Variants in GRID2 observed in about 807,000 individuals in gnomAD.
GRID2 encodes the protein glutamate receptor ionotropic, delta-2.
Under a neutral mutation model 114.8 loss-of-function variants are expected in GRID2, and 33 were observed. That is an observed-to-expected ratio of 0.29 (90% confidence interval 0.22 to 0.38). GRID2 has a LOEUF of 0.38. Ranked by LOEUF, GRID2 falls within the 10% of genes least tolerant of loss-of-function variation. The pLI, the probability that GRID2 is intolerant of heterozygous loss-of-function variation, is 1.00. For synonymous variants in GRID2, 505 were observed against 449.9 expected, an observed-to-expected ratio of 1.12 and a Z score of -1.55; for missense variants, 1,184 against 1,257.7, an observed-to-expected ratio of 0.94 and a Z score of 0.89.
At chr4:93,409,974 GAT>G (rs1458727910) in intron 9 of GRID2, among the ~76,000 whole-genome samples, 1 of 152,102 alleles carries the variant, frequency 6.6e-6, no homozygotes, top group East Asian at 1.9e-4. Flanking sequence ...CAAATTCAAA[GAT>G]ATAAAAAACA....
chr4:93,630,504 A>G (rs765398761), intron 14 of GRID2, among the ~76,000 whole-genome samples: 6 of 152,180 alleles, frequency 3.9e-5, no homozygotes, highest in Non-Finnish European at 7.3e-5. Context: ...TCTTAAGTGG[A>G]TATTGGGAAA....
chr4:93,524,504 G>C (rs528279655), intron 13 of GRID2, among the ~76,000 whole-genome samples: 1 of 151,740 alleles, frequency 6.6e-6, no homozygotes, highest in African/African-American at 2.4e-5. Flanking sequence ...AGTAGAGTTG[G>C]ATTTTTTTAA....
At chr4:93,209,127 A>T (rs1444928987) in intron 5 of GRID2, among the ~76,000 whole-genome samples, 1 of 151,922 alleles carries the variant, frequency 6.6e-6, no homozygotes, top group Non-Finnish European at 1.5e-5. Context: ...GTTCAGGGGT[A>T]CGTGAGCAAG....
chr4:92,376,237 G>T (rs1474970461), intron 1 of GRID2, among the ~76,000 whole-genome samples: 1 of 152,002 alleles, frequency 6.6e-6, no homozygotes, highest in Non-Finnish European at 1.5e-5. Context: ...ATGAACCCGG[G>T]AGGCAGAGGT....
chr4:92,892,621 T>A (rs1221686517), intron 2 of GRID2, among the ~76,000 whole-genome samples: 1 of 152,192 alleles, frequency 6.6e-6, no homozygotes, highest in Non-Finnish European at 1.5e-5. Context: ...ATATTAGCCA[T>A]CACATTGTTA....
At chr4:92,401,528 T>C (rs960451320) in intron 1 of GRID2, among the ~76,000 whole-genome samples, 4 of 152,072 alleles carry the variant, frequency 2.6e-5, no homozygotes, top group Non-Finnish European at 4.4e-5. Context: ...AAAAAGCAAA[T>C]ATAATAATAA....
intron 2 of GRID2, among the ~76,000 whole-genome samples, chr4:93,003,814 G>A (rs1721241778): frequency 6.6e-6 from 1 of 151,950 alleles, no homozygotes; most frequent in Non-Finnish European, 1.5e-5. Flanking sequence ...TGTACTTGGA[G>A]TTTCAACATC....
At chr4:92,736,105 C>T (rs1317563937) in intron 2 of GRID2, among the ~76,000 whole-genome samples, 1 of 151,938 alleles carries the variant, frequency 6.6e-6, no homozygotes, top group African/African-American at 2.4e-5. Context: ...AGAGATTGCC[C>T]CAGATTGTCT....
chr4:92,737,386 A>G (rs1326890957), intron 2 of GRID2, among the ~76,000 whole-genome samples: 1 of 152,040 alleles, frequency 6.6e-6, no homozygotes, highest in Non-Finnish European at 1.5e-5. Flanking sequence ...TGCCCATTTC[A>G]ATTTTTTTAA....
chr4:92,471,792 C>G (rs1443415330), intron 1 of GRID2, among the ~76,000 whole-genome samples: 2 of 152,004 alleles, frequency 1.3e-5, no homozygotes, highest in African/African-American at 4.8e-5. Flanking sequence ...CCCAGGAAAA[C>G]GTGGTTTTTT....
chr4:92,792,910 G>A (rs879626666), intron 2 of GRID2, among the ~76,000 whole-genome samples: 1 of 66,084 alleles, frequency 1.5e-5, no homozygotes, highest in Non-Finnish European at 3.2e-5. Context: ...TTTTTTTTTT[G>A]TCATTTTGCA....
At chr4:92,936,884 A>T (rs1381772577) in intron 2 of GRID2, among the ~76,000 whole-genome samples, 1 of 146,578 alleles carries the variant, frequency 6.8e-6, no homozygotes, top group Non-Finnish European at 1.5e-5. Flanking sequence ...TAGCCCCCAT[A>T]GTTGGTATGA....
Position 93,139,275 on chromosome 4 carries a change from T to A in GRID2, c.735+28322T>A, listed in dbSNP as rs184344998. On this transcript the variant is annotated intron_variant, in intron 4 of 15. Coordinates refer to ENST00000282020, the MANE Select transcript of GRID2 (RefSeq NM_001510.4). ...ACCAGAAGGAAAGACAGCTCTGTAG[T>A]AAAGGCTGACTGGAGAGGATCAGTG... Among the ~76,000 whole-genome samples, 24 of 152,242 alleles carry A rather than the reference T, an allele frequency of 1.6e-4. No homozygotes were observed. In the East Asian group the frequency reaches 4.5e-3, roughly 28 times the overall value.
chr4:93,721,308 G>A (rs918531071), intron 14 of GRID2, among the ~76,000 whole-genome samples: 1 of 152,146 alleles, frequency 6.6e-6, no homozygotes, highest in African/African-American at 2.4e-5. Flanking sequence ...GTAATGGATG[G>A]ATCAAAGTGT....
intron 1 of GRID2, among the ~76,000 whole-genome samples, chr4:92,506,476 T>C (rs1337691867): frequency 6.6e-6 from 1 of 151,992 alleles, no homozygotes; most frequent in Non-Finnish European, 1.5e-5. Flanking sequence ...TAACATTTTA[T>C]TGGCATGAGC....
In GRID2 at chr4:93,497,383, C is replaced by A. The variant is rs188626828; in HGVS notation, c.1997+6606C>A. 7.7e-4 allele frequency among the ~76,000 whole-genome samples: 117 copies of A among 151,790 alleles called. 2 individuals are homozygous for A. The highest frequency in any genetic ancestry group is 2.6e-3 in the African/African-American group (107 of 41,488). On this transcript the variant is annotated intron_variant, in intron 12 of 15. Transcript: ENST00000282020. The stretch of plus-strand genomic sequence containing the variant: ...TAGAAGTTGATGAAGTGCAATGTAT[C>A]AATTTTTTCATTTTATGGATTGTGC...
At chr4:92,930,823 AAAAAT>A (rs1440316958) in intron 2 of GRID2, among the ~76,000 whole-genome samples, 4 of 151,184 alleles carry the variant, frequency 2.6e-5, no homozygotes, top group African/African-American at 9.7e-5. Context: ...ACTAACAAGA[AAAAAT>A]AAAATAATTG....
At chr4:93,741,207 A>ATATATATATATATATATATC (rs1731389234) in intron 14 of GRID2, among the ~76,000 whole-genome samples, 1 of 101,754 alleles carries the variant, frequency 9.8e-6, no homozygotes, top group African/African-American at 3.8e-5. Flanking sequence ...ATATGTATAT[A>ATATATATATATATATATATC]TATATATATT....
chr4:93,698,585 A>G (rs780928419), intron 14 of GRID2, among the ~76,000 whole-genome samples: 38 of 152,084 alleles, frequency 2.5e-4, no homozygotes, highest in Non-Finnish European at 4.7e-4. Context: ...AGACTTCTTG[A>G]TAAAGAAAAA....
Sources: allele counts gnomAD v4.1 joint callset (sites outside exome capture counted in the v4.1 genomes callset), GRCh38; gene constraint gnomAD v4.1.1; transcripts MANE v1.5; gene names NCBI Gene and HGNC (gene_info 2026-07-23, HGNC 2026-07-21).